NAV2: variants seen among roughly 807,000 people sequenced by gnomAD.
The protein encoded by NAV2 is neuron navigator 2.
In NAV2, 54 loss-of-function variants were observed where a neutral mutation model predicts 223.2. The observed-to-expected ratio is 0.24, with a 90% CI of 0.19 to 0.30. NAV2 has a LOEUF of 0.30. Among genes scored for constraint, NAV2 ranks in the 10% least tolerant of loss-of-function variants. The pLI is 1.00. For missense variants in NAV2, 2,806 were observed against 3,147.5 expected, an observed-to-expected ratio of 0.89 and a Z score of 2.60; for synonymous variants, 1,279 against 1,239.3, an observed-to-expected ratio of 1.03 and a Z score of -0.67.
chr11:19,814,186 G>C (rs999363349), intron 1 of NAV2, among the ~76,000 whole-genome samples: 2 of 152,208 alleles, frequency 1.3e-5, no homozygotes, highest in African/African-American at 4.8e-5. Context: ...AAATTGGGAA[G>C]GTCCTGGATG....
chr11:19,774,322 T>G (rs1426244269), intron 1 of NAV2, among the ~76,000 whole-genome samples: 8 of 152,300 alleles, frequency 5.3e-5, no homozygotes, highest in Admixed American at 1.3e-4. Context: ...GACTAAGGCA[T>G]GCACAATCAC....
intron 1 of NAV2, among the ~76,000 whole-genome samples, chr11:19,371,213 G>C (rs1848457696): frequency 6.6e-6 from 1 of 152,152 alleles, no homozygotes; most frequent in South Asian, 2.1e-4. Flanking sequence ...TTAATCTTCA[G>C]GAAAATTCTG....
intron 25 of NAV2, among the ~76,000 whole-genome samples, chr11:20,082,414 T>C (rs1408930035): frequency 6.6e-6 from 1 of 152,208 alleles, no homozygotes; most frequent in African/African-American, 2.4e-5. Flanking sequence ...GGGAGGAACA[T>C]GCCCCCAGTG....
At chr11:20,027,844 T>A (rs1026834796) in intron 11 of NAV2, 5 of 152,258 alleles carry the variant, frequency 3.3e-5, no homozygotes, top group African/African-American at 1.2e-4. Flanking sequence ...GATCCTTCAA[T>A]AACTCCTCCT....
intron 10 of NAV2, among the ~76,000 whole-genome samples, chr11:19,966,363 C>G (rs893228858): frequency 3.3e-5 from 5 of 152,198 alleles, no homozygotes; most frequent in African/African-American, 1.2e-4. Context: ...AGACACAAGC[C>G]TTGTCTTTCT....
intron 10 of NAV2, among the ~76,000 whole-genome samples, chr11:19,955,734 G>A (rs1406997912): frequency 6.6e-6 from 1 of 152,176 alleles, no homozygotes; most frequent in African/African-American, 2.4e-5. Context: ...ACAGTACCCT[G>A]AATCAAAGGG....
chr11:20,065,829 A>G (rs1199040135), intron 20 of NAV2, among the ~76,000 whole-genome samples: 1 of 152,236 alleles, frequency 6.6e-6, no homozygotes, highest in Non-Finnish European at 1.5e-5. Flanking sequence ...AATGTTAGAT[A>G]GTGGTTACAT....
rs1042243487 is a variant in NAV2 at position 19,897,347 on chromosome 11, C to T, written c.931+4753C>T. Among the ~76,000 whole-genome samples, 7 of 151,874 alleles carry T rather than the reference C, an allele frequency of 4.6e-5. No individual in the cohort carries two copies. In the East Asian group the frequency reaches 5.8e-4, roughly 13 times the overall value. ...GGTATACATATGTAACTAACCTGCA[C>T]GTTGTGCACATGTACCCTAAAACTT... On this transcript the variant is annotated intron_variant, in intron 6 of 37. Transcript: ENST00000349880.
chr11:19,931,544 G>A (rs1487460353), intron 6 of NAV2, among the ~76,000 whole-genome samples: 12 of 144,476 alleles, frequency 8.3e-5, no homozygotes, highest in Admixed American at 5.0e-4. Flanking sequence ...ATAAAAAGCC[G>A]CTCTATATAC....
At chr11:19,391,459 C>G (rs1020133212) in intron 1 of NAV2, among the ~76,000 whole-genome samples, 2 of 152,194 alleles carry the variant, frequency 1.3e-5, no homozygotes, top group Admixed American at 1.3e-4. Flanking sequence ...CTGATGCTCT[C>G]AGTTTCAAAG....
At chr11:19,605,222 A>G (rs534800429) in intron 1 of NAV2, among the ~76,000 whole-genome samples, 4 of 152,262 alleles carry the variant, frequency 2.6e-5, no homozygotes, top group Non-Finnish European at 5.9e-5. Flanking sequence ...TACTTAGGAA[A>G]GAAAAAATAC....
chr11:19,944,495 C>G (rs1459090805), intron 8 of NAV2, among the ~76,000 whole-genome samples: 1 of 149,468 alleles, frequency 6.7e-6, no homozygotes, highest in Non-Finnish European at 1.5e-5. Flanking sequence ...CCCCTTTCCC[C>G]TTTCCTCTTT....
intron 1 of NAV2, among the ~76,000 whole-genome samples, chr11:19,606,088 C>T (rs949614533): frequency 5.9e-5 from 9 of 152,192 alleles, no homozygotes; most frequent in Non-Finnish European, 1.3e-4. Context: ...CTCAGAATTA[C>T]TCAGAGGCAG....
At chr11:19,459,358 A>G (rs560128229) in intron 1 of NAV2, among the ~76,000 whole-genome samples, 1 of 152,330 alleles carries the variant, frequency 6.6e-6, no homozygotes, top group Admixed American at 6.5e-5. Context: ...CAAAATCCTC[A>G]GTCTCCCAGA....
intron 26 of NAV2, among the ~76,000 whole-genome samples, chr11:20,087,163 A>T (rs1208843631): frequency 6.6e-6 from 1 of 152,122 alleles, no homozygotes; most frequent in Admixed American, 6.5e-5. Flanking sequence ...TGCTGGAGGG[A>T]GTAGGAACGG....
chr11:19,584,643 A>C (rs1378874607), intron 1 of NAV2, among the ~76,000 whole-genome samples: 1 of 152,234 alleles, frequency 6.6e-6, no homozygotes, highest in Admixed American at 6.5e-5. Context: ...TGTACCCAGT[A>C]GTCGTTCAGG....
At chr11:20,026,685 T>C (rs1028283223) in intron 11 of NAV2, among the ~76,000 whole-genome samples, 48 of 152,322 alleles carry the variant, frequency 3.2e-4, no homozygotes, top group African/African-American at 1.1e-3. Flanking sequence ...CAAAGTCTAA[T>C]GAACACATGA....
chr11:19,662,772 C>A (rs986868834), intron 1 of NAV2, among the ~76,000 whole-genome samples: 1 of 152,246 alleles, frequency 6.6e-6, no homozygotes, highest in Non-Finnish European at 1.5e-5. Flanking sequence ...ATGCCTGAGA[C>A]ACTGAAGCTT....
chr11:19,930,553 T>C (rs2153252731), intron 6 of NAV2, among the ~76,000 whole-genome samples: 1 of 152,340 alleles, frequency 6.6e-6, no homozygotes, highest in South Asian at 2.1e-4. Flanking sequence ...ATATAGTTTA[T>C]TTAATTAAAT....
Sources: allele counts gnomAD v4.1 joint callset (sites outside exome capture counted in the v4.1 genomes callset), GRCh38; gene constraint gnomAD v4.1.1; transcripts MANE v1.5; gene names NCBI Gene and HGNC (gene_info 2026-07-23, HGNC 2026-07-21).